Variants in TENM4 observed in about 807,000 individuals in gnomAD.
TENM4 encodes the protein teneurin transmembrane protein 4.
Under a neutral mutation model 243.3 loss-of-function variants are expected in TENM4, and 82 were observed. The ratio of observed to expected loss-of-function variants is 0.34; its 90% CI spans 0.28 to 0.40. The LOEUF (loss-of-function observed/expected upper bound fraction) is 0.40, where lower values mean the gene tolerates loss of function less well. Ranked by LOEUF, TENM4 falls within the 10% of genes least tolerant of loss-of-function variation. The pLI, the probability that TENM4 is intolerant of heterozygous loss-of-function variation, is 1.00. For synonymous variants in TENM4, 1,412 were observed against 1,456.3 expected, an observed-to-expected ratio of 0.97 and a Z score of 0.69; for missense variants, 3,138 against 3,673.3, an observed-to-expected ratio of 0.85 and a Z score of 3.77.
intron 3 of TENM4, among the ~76,000 whole-genome samples, chr11:79,176,282 C>T (rs1042244370): frequency 6.6e-6 from 1 of 152,120 alleles, no homozygotes; most frequent in Non-Finnish European, 1.5e-5. Flanking sequence ...AGATGCTGAT[C>T]CAACAGGGTC....
intron 12 of TENM4, among the ~76,000 whole-genome samples, chr11:78,823,350 C>A (rs1248089126): frequency 6.6e-6 from 1 of 152,234 alleles, no homozygotes; most frequent in Non-Finnish European, 1.5e-5. Context: ...GAGCACCTGA[C>A]CCAAGCCAAG....
intron 6 of TENM4, among the ~76,000 whole-genome samples, chr11:79,032,672 C>T (rs1253291164): frequency 5.9e-5 from 9 of 152,198 alleles, no homozygotes; most frequent in African/African-American, 1.7e-4. Context: ...GCTCATTCAC[C>T]TTCAACAGAA....
intron 6 of TENM4, among the ~76,000 whole-genome samples, chr11:78,913,793 T>C (rs1856251801): frequency 6.6e-6 from 1 of 152,126 alleles, no homozygotes; most frequent in Non-Finnish European, 1.5e-5. Context: ...GGAGGGATAC[T>C]GGATGGCGGG....
At chr11:78,900,497 T>C (rs1441933804) in intron 7 of TENM4, among the ~76,000 whole-genome samples, 1 of 152,208 alleles carries the variant, frequency 6.6e-6, no homozygotes, top group Non-Finnish European at 1.5e-5. Flanking sequence ...AGAAACTCTT[T>C]TTGAATGACA....
intron 12 of TENM4, among the ~76,000 whole-genome samples, chr11:78,831,617 T>C (rs78723818): frequency 0.04 from 6,158 of 152,276 alleles, 403 homozygotes; most frequent in African/African-American, 0.14. Flanking sequence ...CAAAGGCAGA[T>C]GTTTTCAGAA....
At chr11:79,393,682 G>A (rs548287983) in intron 1 of TENM4, among the ~76,000 whole-genome samples, 48 of 152,364 alleles carry the variant, frequency 3.2e-4, no homozygotes, top group African/African-American at 1.1e-3. Flanking sequence ...ACTCCACGAT[G>A]CATATGGGCA....
intron 6 of TENM4, among the ~76,000 whole-genome samples, chr11:78,914,621 C>T (rs1044987522): frequency 6.6e-6 from 1 of 152,188 alleles, no homozygotes; most frequent in African/African-American, 2.4e-5. Flanking sequence ...CTCCCTGTCC[C>T]TGCAGCCCCA....
intron 28 of TENM4, among the ~76,000 whole-genome samples, chr11:78,694,889 A>G (rs896438916): frequency 2.6e-5 from 4 of 152,176 alleles, no homozygotes; most frequent in Non-Finnish European, 4.4e-5. Flanking sequence ...TTCAGCTTCA[A>G]CTAGGGGGCT....
intron 8 of TENM4, among the ~76,000 whole-genome samples, chr11:78,891,005 A>G (rs1400668503): frequency 6.6e-6 from 1 of 152,230 alleles, no homozygotes; most frequent in African/African-American, 2.4e-5. Context: ...TGGAATGGCA[A>G]CGGCAGCCAA....
chr11:78,757,011 C>T lies in TENM4; in HGVS notation c.2550G>A (p.Val850=), dbSNP rs1565365963. ...GGCAGCAGTCAGGGTCCATGCAGTCCACCAGGCCATCTGCAGGAGTGACAG... is the reference window on the plus strand; with the variant it reads ...GGCAGCAGTCAGGGTCCATGCAGTCTACCAGGCCATCTGCAGGAGTGACAG... The part of the protein sequence containing the change: ...DSKDNDGDGL[V]DCMDPDCCLQ... Residue 850 remains valine (V), a synonymous_variant, in exon 19 of 34, where the codon GTG becomes GTA. Transcript: ENST00000278550. 1 of 1,613,718 alleles carries T rather than the reference C, an allele frequency of 6.2e-7. No individual in the cohort carries two copies. The highest frequency in any genetic ancestry group is 8.5e-7 in the Non-Finnish European group (1 of 1,179,826).
chr11:78,767,664 A>G (rs536605998), intron 18 of TENM4, among the ~76,000 whole-genome samples: 7 of 152,340 alleles, frequency 4.6e-5, no homozygotes, highest in African/African-American at 1.7e-4. Context: ...CTGTTACTCA[A>G]CATTAAACTC....
At chr11:78,697,276 C>A (rs1416119493) in intron 28 of TENM4, among the ~76,000 whole-genome samples, 1 of 152,194 alleles carries the variant, frequency 6.6e-6, no homozygotes, top group Admixed American at 6.5e-5. Context: ...GGAGCTGGTG[C>A]ATCTGCCCAC....
At chr11:78,938,945 T>G (rs74433252) in intron 6 of TENM4, among the ~76,000 whole-genome samples, 1 of 152,336 alleles carries the variant, frequency 6.6e-6, no homozygotes, top group East Asian at 1.9e-4. Flanking sequence ...AGAAATTGCA[T>G]GCAAGACCAA....
intron 1 of TENM4, among the ~76,000 whole-genome samples, chr11:79,335,504 A>T (rs1565304550): frequency 2.0e-5 from 3 of 152,310 alleles, no homozygotes; most frequent in South Asian, 2.1e-4. Context: ...ATTTGTATCA[A>T]TTTTTTTGCA....
chr11:79,042,863 G>A (rs1859571434), intron 6 of TENM4, among the ~76,000 whole-genome samples: 1 of 152,192 alleles, frequency 6.6e-6, no homozygotes, highest in African/African-American at 2.4e-5. Flanking sequence ...TAGAACCAGG[G>A]TGATCTTCCT....
chr11:78,841,608 C>T (rs1282285795), intron 12 of TENM4, among the ~76,000 whole-genome samples: 2 of 152,098 alleles, frequency 1.3e-5, no homozygotes, highest in African/African-American at 4.8e-5. Context: ...TTCCATGCCT[C>T]CCACCTTCTT....
intron 6 of TENM4, among the ~76,000 whole-genome samples, chr11:78,910,582 C>A (rs997635033): frequency 2.0e-5 from 3 of 152,230 alleles, no homozygotes; most frequent in Non-Finnish European, 2.9e-5. Flanking sequence ...CTTTATTTAA[C>A]CTGAGTTTCA....
chr11:79,255,395 C>A (rs1459300898), intron 2 of TENM4, among the ~76,000 whole-genome samples: 1 of 152,170 alleles, frequency 6.6e-6, no homozygotes, highest in Non-Finnish European at 1.5e-5. Context: ...AGCCTGCAGC[C>A]AGGTATCCTT....
chr11:79,094,836 A>C (rs1333381499), intron 4 of TENM4, among the ~76,000 whole-genome samples: 1 of 152,190 alleles, frequency 6.6e-6, no homozygotes, highest in African/African-American at 2.4e-5. Flanking sequence ...AGTTTGCGGA[A>C]GATTCAAAGG....
Sources: gnomAD v4.1 joint callset for allele counts (sites outside exome capture counted in the v4.1 genomes callset) on GRCh38, gnomAD v4.1.1 for gene constraint, MANE v1.5 for transcripts, NCBI Gene and HGNC (gene_info 2026-07-23, HGNC 2026-07-21) for gene names.